The following SLC41A2 variants were observed in gnomAD, a reference collection of about 807,000 sequenced individuals.
SLC41A2 encodes SLC41A1-like 1.
In SLC41A2, 32 loss-of-function variants were observed where a neutral mutation model predicts 58.3. That is an observed-to-expected ratio of 0.55 (90% confidence interval 0.41 to 0.74). The LOEUF (loss-of-function observed/expected upper bound fraction) is 0.74. Ranked by LOEUF, SLC41A2 falls within the 30% of genes least tolerant of loss-of-function variation. SLC41A2 has a pLI of 0.00. For synonymous variants in SLC41A2, 190 were observed against 235.0 expected, an observed-to-expected ratio of 0.81 and a Z score of 1.75; for missense variants, 514 against 680.6, an observed-to-expected ratio of 0.76 and a Z score of 2.72.
intron 2 of SLC41A2, among the ~76,000 whole-genome samples, chr12:104,920,430 TAAA>T (rs1342234566): frequency 1.3e-5 from 2 of 151,554 alleles, no homozygotes; most frequent in Non-Finnish European, 2.9e-5. Flanking sequence ...ATTGAAATAA[TAAA>T]AATAAAAGAA....
intron 8 of SLC41A2, among the ~76,000 whole-genome samples, chr12:104,846,799 G>A (rs570564781): frequency 1.3e-5 from 2 of 152,178 alleles, no homozygotes; most frequent in Non-Finnish European, 2.9e-5. Context: ...GTGGTGAGCT[G>A]AGGGTAATGA....
chr12:104,923,649 AC>A (rs1565904666), intron 2 of SLC41A2, among the ~76,000 whole-genome samples: 1 of 152,172 alleles, frequency 6.6e-6, no homozygotes, highest in Non-Finnish European at 1.5e-5. Context: ...AACAACTGAG[AC>A]CACAAAAATA....
intron 10 of SLC41A2, among the ~76,000 whole-genome samples, chr12:104,819,231 C>T (rs976502305): frequency 2.0e-5 from 3 of 152,098 alleles, no homozygotes; most frequent in Non-Finnish European, 4.4e-5. Flanking sequence ...AGCAAAAAAA[C>T]CCCATATTTT....
intron 3 of SLC41A2, among the ~76,000 whole-genome samples, chr12:104,908,002 C>T (rs1344822329): frequency 6.6e-6 from 1 of 152,138 alleles, no homozygotes; most frequent in Non-Finnish European, 1.5e-5. Context: ...CAGTGGCTCA[C>T]GCCTGTAATC....
At chr12:104,862,681 T>C (rs1489406718) in intron 7 of SLC41A2, among the ~76,000 whole-genome samples, 1 of 152,190 alleles carries the variant, frequency 6.6e-6, no homozygotes, top group Non-Finnish European at 1.5e-5. Flanking sequence ...ACAATAAAAA[T>C]TGCACATATT....
intron 6 of SLC41A2, 42 bp from the exon 7 acceptor site, chr12:104,866,621 ATCTC>A: frequency 6.7e-7 from 1 of 1,484,520 alleles, no homozygotes; most frequent in Non-Finnish European, 9.1e-7. Context: ...CAACATTTAA[ATCTC>A]TCTTCTATGT....
chr12:104,822,355 T>A (rs764477713), intron 10 of SLC41A2, among the ~76,000 whole-genome samples: 2 of 152,162 alleles, frequency 1.3e-5, no homozygotes, highest in Non-Finnish European at 2.9e-5. Context: ...CCACTTCAAA[T>A]AGGCCTTCTG....
intron 1 of SLC41A2, among the ~76,000 whole-genome samples, chr12:104,955,104 C>A (rs2048111363): frequency 6.6e-6 from 1 of 150,462 alleles, no homozygotes; most frequent in South Asian, 2.1e-4. Context: ...CTTCCACCAC[C>A]TCCTGGGTTC....
chr12:104,877,303 G>A (rs541288485), intron 6 of SLC41A2, among the ~76,000 whole-genome samples: 25 of 152,268 alleles, frequency 1.6e-4, no homozygotes, highest in African/African-American at 6.0e-4. Context: ...AGGCCCCCTA[G>A]TGCGCACAGA....
At chr12:104,896,786 T>G (rs1010325838) in intron 3 of SLC41A2, among the ~76,000 whole-genome samples, 2 of 152,184 alleles carry the variant, frequency 1.3e-5, no homozygotes, top group Admixed American at 1.3e-4. Context: ...CACCAGTCCC[T>G]TCTAAGGCTT....
intron 1 of SLC41A2, among the ~76,000 whole-genome samples, chr12:104,945,316 C>A (rs773797228): frequency 6.6e-6 from 1 of 151,668 alleles, no homozygotes; most frequent in African/African-American, 2.4e-5. Context: ...CTGGCTAATG[C>A]GGTGAAACCC....
intron 3 of SLC41A2, among the ~76,000 whole-genome samples, chr12:104,899,798 ACACT>A (rs1303541994): frequency 1.3e-5 from 2 of 152,194 alleles, no homozygotes; most frequent in African/African-American, 4.8e-5. Context: ...GTCACAGAAG[ACACT>A]CAGTCAACAA....
chr12:104,890,179 A>G, intron 4 of SLC41A2, among the ~76,000 whole-genome samples: 1 of 152,164 alleles, frequency 6.6e-6, no homozygotes, highest in East Asian at 1.9e-4. Context: ...GAGGGCTCCA[A>G]GTAAAAAATT....
intron 10 of SLC41A2, among the ~76,000 whole-genome samples, chr12:104,840,741 G>A (rs2042381941): frequency 6.6e-6 from 1 of 152,092 alleles, no homozygotes; most frequent in Admixed American, 6.5e-5. Context: ...CTAATTGCAA[G>A]ACACATAACA....
rs189396396 is a variant in SLC41A2, at chr12:104,875,459, T to G, written c.1028-8880A>C. ...ACTAGTTTTGTTTTCTTGTGGTGTC[T>G]TTGTCTGGAAAATTGGTATCAGGTG... On this transcript the variant is annotated intron_variant, in intron 6 of 10. Coordinates refer to ENST00000258538, the MANE Select transcript of SLC41A2 (RefSeq NM_001352171.3). 1.2e-3 allele frequency among the ~76,000 whole-genome samples: 188 copies of G among 152,234 alleles called. 1 individual carries two copies. Among genetic ancestry groups the G allele is most frequent in the Non-Finnish European group, 1.6e-3 (111 of 68,014 alleles).
intron 6 of SLC41A2, among the ~76,000 whole-genome samples, chr12:104,872,079 G>T (rs1022795730): frequency 5.9e-5 from 9 of 151,806 alleles, no homozygotes; most frequent in African/African-American, 2.2e-4. Flanking sequence ...GGGGAATGAG[G>T]AATGAATTGA....
At chr12:104,870,675 T>C (rs533455374) in intron 6 of SLC41A2, among the ~76,000 whole-genome samples, 2 of 152,352 alleles carry the variant, frequency 1.3e-5, no homozygotes, top group East Asian at 3.9e-4. Flanking sequence ...TAGCATCTTT[T>C]GTGATCCAGT....
chr12:104,917,826 TG>T (rs1157240944), intron 2 of SLC41A2, among the ~76,000 whole-genome samples: 1 of 2,104 alleles, frequency 4.8e-4, no homozygotes, highest in African/African-American at 1.6e-3. Context: ...TGTTGTGGGG[TG>T]GGGGGAGGGG....
Position 104,878,360 on chromosome 12 carries a change from C to T in SLC41A2, c.1027+7933G>A, listed in dbSNP as rs929367309. On this transcript the variant is annotated intron_variant, in intron 6 of 10. Transcript: ENST00000258538. ...TAAGTTCTAGGGTACTTGTGCACAA[C>T]GTGCAGGTTTGTTACATACGTATAC... Among the ~76,000 whole-genome samples, 11 of 147,440 alleles carry T rather than the reference C, an allele frequency of 7.5e-5. No homozygotes were observed. In the East Asian group the frequency reaches 2.3e-3, roughly 31 times the overall value.
Sources: allele counts gnomAD v4.1 joint callset (sites outside exome capture counted in the v4.1 genomes callset), GRCh38; gene constraint gnomAD v4.1.1; transcripts MANE v1.5; gene names NCBI Gene and HGNC (gene_info 2026-07-23, HGNC 2026-07-21).